The following IQGAP1 variants were observed in gnomAD, a reference collection of about 807,000 sequenced individuals.
IQGAP1 encodes the protein IQ motif containing GTPase activating protein 1.
A neutral mutation model predicts 215.6 loss-of-function variants in IQGAP1; 66 were observed. The observed-to-expected ratio is 0.31, with a 90% CI of 0.25 to 0.38. IQGAP1 has a LOEUF of 0.38. IQGAP1 is among the 10% of genes least tolerant of loss of function. The pLI is 1.00. For synonymous variants in IQGAP1, 772 were observed against 728.7 expected, an observed-to-expected ratio of 1.06 and a Z score of -0.96; for missense variants, 1,712 against 1,997.1, an observed-to-expected ratio of 0.86 and a Z score of 2.72.
At chr15:90,481,269 C>CTTTTTTTTTTTTTTT (rs57452745) in intron 26 of IQGAP1, among the ~76,000 whole-genome samples, 3 of 113,182 alleles carry the variant, frequency 2.7e-5, no homozygotes, top group African/African-American at 1.0e-4. Context: ...CTCTCTGCCT[C>CTTTTTTTTTTTTTTT]TTTTTTTTTT....
At chr15:90,486,836 T>C in intron 31 of IQGAP1, 118 bp from the exon 32 acceptor site, 1 of 998,570 alleles carries the variant, frequency 1.0e-6, no homozygotes, top group Non-Finnish European at 1.5e-6. Flanking sequence ...CGTCACACTG[T>C]ATGTGTTAGG....
intron 2 of IQGAP1, chr15:90,393,716 C>G (rs538089676): frequency 6.6e-6 from 1 of 152,294 alleles, no homozygotes; most frequent in African/African-American, 2.4e-5. Context: ...TTCAGCTACT[C>G]TAGAGCGTCT....
chr15:90,481,866 C>T, intron 26 of IQGAP1, 94 bp from the exon 27 acceptor site: 1 of 1,308,160 alleles, frequency 7.6e-7, no homozygotes, highest in Non-Finnish European at 1.1e-6. Flanking sequence ...TCTAATATTT[C>T]TGGGTCTTAT....
chr15:90,422,767 C>G (rs1965165140), intron 2 of IQGAP1, among the ~76,000 whole-genome samples: 1 of 151,062 alleles, frequency 6.6e-6, no homozygotes, highest in Non-Finnish European at 1.5e-5. Flanking sequence ...ACGATCATAA[C>G]TCACTGCAGC....
In IQGAP1 at chr15:90,487,602, A is replaced by T; in HGVS notation, c.4248+20A>T. On this transcript the variant is annotated intron_variant, in intron 33 of 37. Transcript: ENST00000268182. ...GAACAGGTAAAATTTAGGGTCTAAC[A>T]TACTCCTTTGTTTGGTAGATAAGCT... 1.3e-6 allele frequency: 2 copies of T among 1,535,924 alleles called. No individual in the cohort carries two copies. The highest frequency in any genetic ancestry group is 1.8e-6 in the Non-Finnish European group (2 of 1,109,758).
intron 11 of IQGAP1, among the ~76,000 whole-genome samples, chr15:90,450,823 T>TG (rs998890612): frequency 1.3e-5 from 2 of 151,342 alleles, no homozygotes; most frequent in African/African-American, 4.8e-5. Context: ...TTGTTTTTTT[T>TG]TTTTTGGCTG....
At chr15:90,450,853 A>G (rs1361177292) in intron 11 of IQGAP1, among the ~76,000 whole-genome samples, 2 of 121,400 alleles carry the variant, frequency 1.6e-5, no homozygotes, top group African/African-American at 3.3e-5. Flanking sequence ...TTTCTTATAT[A>G]TTATGGTTAT....
At position 90,405,308 on chromosome 15, in the gene IQGAP1, G is replaced by C. The variant is rs113141608; in HGVS notation, c.155+14435G>C. Reference sequence around the variant, plus strand: ...CTTAACTATCATTTTAGGGAATTTGGTTAGGATTTTCCAGAGTGCTTTCAA... The same window carrying C: ...CTTAACTATCATTTTAGGGAATTTGCTTAGGATTTTCCAGAGTGCTTTCAA... On this transcript the variant is annotated intron_variant, in intron 2 of 37. Transcript: ENST00000268182. Among the ~76,000 whole-genome samples, 121 of 152,266 alleles carry C rather than the reference G, an allele frequency of 7.9e-4. 2 individuals are homozygous for C. The highest frequency in any genetic ancestry group is 2.6e-3 in the African/African-American group (108 of 41,564).
intron 2 of IQGAP1, among the ~76,000 whole-genome samples, chr15:90,421,167 T>G (rs1965129910): frequency 6.7e-6 from 1 of 150,000 alleles, no homozygotes; most frequent in African/African-American, 2.5e-5. Flanking sequence ...AAAGTCTTCA[T>G]AAAGCTAAAT....
chr15:90,474,779 T>C, intron 23 of IQGAP1, 86 bp downstream of exon 23: 1 of 1,047,474 alleles, frequency 9.5e-7, no homozygotes, highest in Non-Finnish European at 1.5e-6. Flanking sequence ...GTGGGGAGGG[T>C]GGAGGCTGAC....
chr15:90,498,901 C>T (rs951324964), intron 37 of IQGAP1, among the ~76,000 whole-genome samples: 7 of 151,498 alleles, frequency 4.6e-5, no homozygotes, highest in Non-Finnish European at 1.0e-4. Flanking sequence ...CCTCCGCCTC[C>T]TGGGTTCAAG....
intron 36 of IQGAP1, among the ~76,000 whole-genome samples, chr15:90,496,384 G>T (rs1039177411): frequency 5.5e-5 from 8 of 146,454 alleles, no homozygotes; most frequent in Admixed American, 4.1e-4. Flanking sequence ...TGGTGATAGG[G>T]TATGGTACTC....
At chr15:90,392,248 A>T (rs952566282) in intron 2 of IQGAP1, among the ~76,000 whole-genome samples, 2 of 152,152 alleles carry the variant, frequency 1.3e-5, no homozygotes, top group Non-Finnish European at 1.5e-5. Flanking sequence ...TTCAGTGATG[A>T]CTTAAGTGAG....
chr15:90,448,480 A>C (rs1965554805), intron 9 of IQGAP1, 93 bp from the exon 10 acceptor site: 5 of 1,124,312 alleles, frequency 4.4e-6, no homozygotes, highest in Non-Finnish European at 6.2e-6. Context: ...ATATTTCCTT[A>C]TCTGGAACTG....
chr15:90,391,622 T>A (rs935300856), intron 2 of IQGAP1: 1 of 152,438 alleles, frequency 6.6e-6, no homozygotes, highest in Non-Finnish European at 1.5e-5. Context: ...GTGCTGTTGG[T>A]GTAGGTCCAT....
At chr15:90,444,287 ATAT>A (rs1303110944) in intron 9 of IQGAP1, among the ~76,000 whole-genome samples, 10 of 91,072 alleles carry the variant, frequency 1.1e-4, no homozygotes, top group Middle Eastern at 5.6e-3. Flanking sequence ...GTGTATATAT[ATAT>A]TTTTTTTTTT....
intron 2 of IQGAP1, among the ~76,000 whole-genome samples, chr15:90,409,808 C>T (rs1211581541): frequency 6.6e-6 from 1 of 152,286 alleles, no homozygotes; most frequent in East Asian, 1.9e-4. Flanking sequence ...TCTCCAGCAC[C>T]TGTTGTTTCC....
chr15:90,412,811 T>C (rs1964985974), intron 2 of IQGAP1, among the ~76,000 whole-genome samples: 1 of 152,108 alleles, frequency 6.6e-6, no homozygotes, highest in Non-Finnish European at 1.5e-5. Flanking sequence ...GCAAGATGGG[T>C]GTGGTACCAG....
At chr15:90,393,006 A>G (rs1428834170) in intron 2 of IQGAP1, among the ~76,000 whole-genome samples, 1 of 151,824 alleles carries the variant, frequency 6.6e-6, no homozygotes, top group African/African-American at 2.4e-5. Context: ...CAGCCTCCCA[A>G]AGTGCTGGAA....
Sources: gnomAD v4.1 joint callset for allele counts (sites outside exome capture counted in the v4.1 genomes callset) on GRCh38, gnomAD v4.1.1 for gene constraint, MANE v1.5 for transcripts, NCBI Gene and HGNC (gene_info 2026-07-23, HGNC 2026-07-21) for gene names.